The following DRC11 variants were observed in gnomAD, a reference collection of about 807,000 sequenced individuals.
DRC11 encodes IQ and AAA domain-containing protein 1.
At chr2:236,502,965 A>G in the DRC11 span, among the ~76,000 whole-genome samples, 6 of 152,220 alleles carry the variant, frequency 3.9e-5, no homozygotes, top group Admixed American at 2.0e-4. Context: ...AAAAAAAAGA[A>G]AAGAAAAGCT....
chr2:236,354,266 CGTGT>C, the DRC11 span, among the ~76,000 whole-genome samples: 34 of 150,380 alleles, frequency 2.3e-4, no homozygotes, highest in East Asian at 6.2e-4. Flanking sequence ...CACATGTGTG[CGTGT>C]GTGTGTATGA....
At chr2:236,396,377 G>T in the DRC11 span, among the ~76,000 whole-genome samples, 1 of 151,426 alleles carries the variant, frequency 6.6e-6, no homozygotes, top group Non-Finnish European at 1.5e-5. Context: ...TTTAAGAAAA[G>T]AATTCTAAGA....
the DRC11 span, chr2:236,488,223 T>A: frequency 6.8e-7 from 1 of 1,480,384 alleles, no homozygotes. Context: ...AACCAATGTT[T>A]GAACATGTTA....
the DRC11 span, among the ~76,000 whole-genome samples, chr2:236,436,991 G>C: frequency 6.6e-6 from 1 of 151,800 alleles, no homozygotes; most frequent in Non-Finnish European, 1.5e-5. Context: ...TGCACAATGT[G>C]CAGGTTAGTT....
At chr2:236,395,258 G>A in the DRC11 span, among the ~76,000 whole-genome samples, 1 of 152,206 alleles carries the variant, frequency 6.6e-6, no homozygotes, top group Non-Finnish European at 1.5e-5. Context: ...CAAGAGGGGA[G>A]AAGAGGCGAA....
At chr2:236,345,145 T>C in the DRC11 span, among the ~76,000 whole-genome samples, 111 of 62,324 alleles carry the variant, frequency 1.8e-3, no homozygotes, top group Admixed American at 2.9e-3. Context: ...TGGTTGTAAA[T>C]GCGCTTCCCT....
the DRC11 span, among the ~76,000 whole-genome samples, chr2:236,460,004 T>C: frequency 6.6e-6 from 1 of 152,196 alleles, no homozygotes; most frequent in Non-Finnish European, 1.5e-5. This position sits in a 1 kb window ranked among gnomAD's most constrained non-coding sequence, Gnocchi z 4.0. Flanking sequence ...GAGCCATCAT[T>C]GTGTGTCCTA....
chr2:236,309,675 T>A, the DRC11 span, among the ~76,000 whole-genome samples: 1 of 152,184 alleles, frequency 6.6e-6, no homozygotes, highest in Non-Finnish European at 1.5e-5. The surrounding 1 kb of genome is among the most constrained non-coding windows in gnomAD (Gnocchi z 5.7). Flanking sequence ...CTGACACGCA[T>A]GGGTCATCCT....
At chr2:236,396,304 G>GT in the DRC11 span, among the ~76,000 whole-genome samples, 1 of 109,728 alleles carries the variant, frequency 9.1e-6, no homozygotes, top group African/African-American at 3.5e-5. Flanking sequence ...AAGAGGGGCG[G>GT]GGGGGGGTTA....
At chr2:236,463,647 G>A in the DRC11 span, among the ~76,000 whole-genome samples, 1 of 152,188 alleles carries the variant, frequency 6.6e-6, no homozygotes, top group African/African-American at 2.4e-5. This position sits in a 1 kb window ranked among gnomAD's most constrained non-coding sequence, Gnocchi z 5.0. Context: ...GTTAACACAA[G>A]AAGTTTATAG....
At chr2:236,505,478 A>C in the DRC11 span, among the ~76,000 whole-genome samples, 40,932 of 151,824 alleles carry the variant, frequency 0.27, 10,587 homozygotes, top group African/African-American at 0.67. Context: ...GGCTCCTGTT[A>C]CCCCCAGAGC....
At chr2:236,498,702 C>G in the DRC11 span, among the ~76,000 whole-genome samples, 5 of 152,244 alleles carry the variant, frequency 3.3e-5, no homozygotes, top group East Asian at 9.7e-4. Flanking sequence ...TGTGGCTGGC[C>G]CCAGAATACT....
the DRC11 span, among the ~76,000 whole-genome samples, chr2:236,341,050 G>A: frequency 6.6e-6 from 1 of 152,164 alleles, no homozygotes; most frequent in African/African-American, 2.4e-5. Flanking sequence ...CGCGGGGCCT[G>A]CCAGCCCCTC....
the DRC11 span, among the ~76,000 whole-genome samples, chr2:236,384,935 T>G: frequency 1.3e-5 from 2 of 151,748 alleles, no homozygotes; most frequent in Non-Finnish European, 3.0e-5. Context: ...CCCCATTGCT[T>G]GTTTTTCTCA....
the DRC11 span, among the ~76,000 whole-genome samples, chr2:236,359,385 T>C: frequency 1.3e-5 from 2 of 152,204 alleles, no homozygotes; most frequent in Non-Finnish European, 2.9e-5. The surrounding 1 kb of genome is among the most constrained non-coding windows in gnomAD (Gnocchi z 4.3). Context: ...TTTACAGTTG[T>C]GAAACAAATC....
At chr2:236,392,093 T>C in the DRC11 span, 11 of 1,603,158 alleles carry the variant, frequency 6.9e-6, no homozygotes, top group Non-Finnish European at 9.4e-6. The surrounding 1 kb of genome is among the most constrained non-coding windows in gnomAD (Gnocchi z 5.1). Flanking sequence ...CAAAACATAC[T>C]ACTTTTAAGT....
chr2:236,403,008 A>G, the DRC11 span, among the ~76,000 whole-genome samples: 397 of 151,776 alleles, frequency 2.6e-3, 1 homozygote, highest in Non-Finnish European at 4.9e-3. Flanking sequence ...TTTTTCGTCA[A>G]TGTTATTGTC....
At chr2:236,383,385 A>G in the DRC11 span, among the ~76,000 whole-genome samples, 1 of 152,128 alleles carries the variant, frequency 6.6e-6, no homozygotes, top group Non-Finnish European at 1.5e-5. Context: ...CTTTCAGAAA[A>G]CCAGCTCTTA....
chr2:236,329,472 A>G, the DRC11 span, among the ~76,000 whole-genome samples: 1 of 152,220 alleles, frequency 6.6e-6, no homozygotes, highest in Non-Finnish European at 1.5e-5. Flanking sequence ...TCGTTATCAT[A>G]CATATTCTCT....
Sources: gnomAD v4.1 joint callset for allele counts (sites outside exome capture counted in the v4.1 genomes callset) on GRCh38, gnomAD v4.1.1 for gene constraint, Gnocchi (gnomAD v3.1) non-coding constraint, MANE v1.5 for transcripts, NCBI Gene and HGNC (gene_info 2026-07-23, HGNC 2026-07-21) for gene names.